Variants in POU3F3 observed in about 807,000 individuals in gnomAD.
POU3F3 encodes the protein POU class 3 homeobox 3.
Under a neutral mutation model 8.6 loss-of-function variants are expected in POU3F3, and 1 was observed. That is an observed-to-expected ratio of 0.12 (90% CI 0.04 to 0.55). The LOEUF (loss-of-function observed/expected upper bound fraction) is 0.55. POU3F3 is among the 20% of genes least tolerant of loss of function. The pLI, the probability that POU3F3 is intolerant of heterozygous loss-of-function variation, is 0.91. For missense variants in POU3F3, 577 were observed against 690.7 expected (o/e 0.84, Z 1.84); for synonymous variants, 418 against 327.4 (o/e 1.28, Z -2.99).
the POU3F3 span, among the ~76,000 whole-genome samples, chr2:104,870,181 G>T: frequency 6.6e-6 from 1 of 152,132 alleles, no homozygotes; most frequent in Non-Finnish European, 1.5e-5. Context: ...TGATCCCCTA[G>T]GTGTCTAAGG....
At chr2:104,891,884 C>T in the POU3F3 span, among the ~76,000 whole-genome samples, 15 of 152,126 alleles carry the variant, frequency 9.9e-5, no homozygotes, top group Non-Finnish European at 1.9e-4. Context: ...ATGGCACAAA[C>T]CATCTGAGTT....
At position 104,856,388 on chromosome 2, in the gene POU3F3, A is replaced by G; in HGVS notation, c.878A>G (p.His293Arg). The change falls in exon 1 of 1, where the codon CAC (histidine) becomes CGC (arginine). Residue 293 changes from histidine to arginine, a missense_variant. By Grantham distance (29) the His-to-Arg change is conservative (BLOSUM62 0). This residue lies in a region of POU3F3 where 484 missense variants were observed against 422.6 expected (regional missense o/e 1.15). Coordinates refer to ENST00000361360, the MANE Select transcript of POU3F3 (RefSeq NM_006236.3). ...CCGCACCACGCGCAGGGACCCCCGC[A>G]CCACGGCGGCGGCGGCGGCGGCGCG... Reference protein sequence around the residue: ...PHPHHAQGPPHHGGGGGGAGP... With the variant: ...PHPHHAQGPPRHGGGGGGAGP... 6.4e-7 allele frequency: 1 copy of G among 1,563,728 alleles called. No homozygotes were observed. Among genetic ancestry groups the G allele is most frequent in the Non-Finnish European group, 8.6e-7 (1 of 1,157,026 alleles).
the POU3F3 span, among the ~76,000 whole-genome samples, chr2:104,915,098 G>A: frequency 6.6e-6 from 1 of 152,220 alleles, no homozygotes; most frequent in Non-Finnish European, 1.5e-5. Flanking sequence ...CAAAGGCGTG[G>A]CAAGAGCCTG....
At chr2:104,919,949 G>A in the POU3F3 span, among the ~76,000 whole-genome samples, 2 of 152,110 alleles carry the variant, frequency 1.3e-5, no homozygotes, top group African/African-American at 4.8e-5. Flanking sequence ...TAAGCATGTA[G>A]CTTTATTTAC....
the POU3F3 span, among the ~76,000 whole-genome samples, chr2:104,895,845 C>T: frequency 2.0e-5 from 3 of 152,128 alleles, no homozygotes; most frequent in African/African-American, 7.2e-5. Context: ...CAGAAATGGG[C>T]ATAATTGAGC....
At chr2:104,866,140 A>G in the POU3F3 span, 1 of 152,196 alleles carries the variant, frequency 6.6e-6, no homozygotes, top group Admixed American at 6.5e-5. Flanking sequence ...CTCTTCCAAT[A>G]ACTATTTAAT....
chr2:104,911,255 A>C, the POU3F3 span, among the ~76,000 whole-genome samples: 2 of 141,098 alleles, frequency 1.4e-5, no homozygotes, highest in East Asian at 2.0e-4. Context: ...TAAAAAGTAC[A>C]AAAAAAAAAA....
At chr2:104,868,533 C>T in the POU3F3 span, 6 of 367,982 alleles carry the variant, frequency 1.6e-5, no homozygotes, top group South Asian at 8.0e-5. Flanking sequence ...GGTCACCCAC[C>T]GGCCAAGCCT....
the POU3F3 span, among the ~76,000 whole-genome samples, chr2:104,888,085 C>T: frequency 2.6e-5 from 4 of 152,186 alleles, no homozygotes; most frequent in Non-Finnish European, 4.4e-5. Context: ...AGAGTGCATC[C>T]ATTTCAGATA....
the POU3F3 span, among the ~76,000 whole-genome samples, chr2:104,921,921 C>A: frequency 6.6e-6 from 1 of 152,268 alleles, no homozygotes; most frequent in East Asian, 1.9e-4. Context: ...CACTGGAACC[C>A]AGGAGATGGA....
At chr2:104,882,250 T>A in the POU3F3 span, among the ~76,000 whole-genome samples, 1 of 150,278 alleles carries the variant, frequency 6.7e-6, no homozygotes, top group East Asian at 2.0e-4. Context: ...TGAATTTTTT[T>A]TTTTTTTTTT....
chr2:104,870,792 T>A, the POU3F3 span, among the ~76,000 whole-genome samples: 3 of 152,182 alleles, frequency 2.0e-5, no homozygotes, highest in Non-Finnish European at 4.4e-5. Context: ...AACAGGGACT[T>A]CCATTTGGGA....
At chr2:104,862,091 C>G (rs769684810), downstream of POU3F3, among the ~76,000 whole-genome samples, 1 of 152,180 alleles carries the variant, frequency 6.6e-6, no homozygotes, top group Non-Finnish European at 1.5e-5. Context: ...TTAGATTACT[C>G]TCTCTTTCAT....
At chr2:104,872,861 G>C in the POU3F3 span, among the ~76,000 whole-genome samples, 1 of 152,310 alleles carries the variant, frequency 6.6e-6, no homozygotes, top group African/African-American at 2.4e-5. This position sits in a 1 kb window ranked among gnomAD's most constrained non-coding sequence, Gnocchi z 4.6. Context: ...CTATCGTCAA[G>C]TCACTTATTT....
chr2:104,863,282 G>T (rs935847628), downstream of POU3F3, among the ~76,000 whole-genome samples: 1 of 151,328 alleles, frequency 6.6e-6, no homozygotes, highest in Admixed American at 6.6e-5. Flanking sequence ...CCTGGGGGCT[G>T]GAGAAAGTCC....
the POU3F3 span, among the ~76,000 whole-genome samples, chr2:104,901,723 T>C: frequency 6.6e-6 from 1 of 152,202 alleles, no homozygotes; most frequent in Non-Finnish European, 1.5e-5. Context: ...ATGCAGGAAC[T>C]AAGCAGTGGT....
At chr2:104,919,861 T>C in the POU3F3 span, among the ~76,000 whole-genome samples, 1 of 151,882 alleles carries the variant, frequency 6.6e-6, no homozygotes, top group African/African-American at 2.4e-5. Context: ...TCTTTCTCTC[T>C]CATTGTCTGG....
At chr2:104,853,282 C>G (rs1676473743), upstream of POU3F3, 1 of 152,804 alleles carries the variant, frequency 6.5e-6, no homozygotes. Context: ...GGTGGAGGAG[C>G]CAGGGAGCGG....
chr2:104,921,994 C>A, the POU3F3 span, among the ~76,000 whole-genome samples: 1 of 152,112 alleles, frequency 6.6e-6, no homozygotes, highest in South Asian at 2.1e-4. Flanking sequence ...GAGACTCCAT[C>A]TCAAAGAATG....
Sources: allele counts gnomAD v4.1 joint callset (sites outside exome capture counted in the v4.1 genomes callset), GRCh38; gene constraint gnomAD v4.1.1; regional missense constraint gnomAD v4.1.1; non-coding constraint Gnocchi (gnomAD v3.1); transcripts MANE v1.5; gene names NCBI Gene and HGNC (gene_info 2026-07-23, HGNC 2026-07-21).